Variants in PCDH15 observed in about 807,000 individuals in gnomAD.
The protein encoded by PCDH15 is protocadherin-15.
A neutral mutation model predicts 178.5 loss-of-function variants in PCDH15; 129 were observed. The observed-to-expected ratio is 0.72, with a 90% CI of 0.63 to 0.84. The LOEUF is 0.84. PCDH15 is among the 40% of genes least tolerant of loss of function. The pLI is 0.00. For missense variants in PCDH15, 2,230 were observed against 2,099.9 expected (o/e 1.06, Z -1.21); for synonymous variants, 800 against 732.0 (o/e 1.09, Z -1.50).
intron 3 of PCDH15, among the ~76,000 whole-genome samples, chr10:54,381,226 ACTGTGCCCATAC>A (rs1186011753): frequency 6.6e-6 from 1 of 152,106 alleles, no homozygotes; most frequent in African/African-American, 2.4e-5. Context: ...TGCCTGAACA[ACTGTGCCCATAC>A]CCCTCTCCTT....
chr10:55,469,809 A>G (rs1337118927), intron 2 of PCDH15, among the ~76,000 whole-genome samples: 1 of 152,042 alleles, frequency 6.6e-6, no homozygotes, highest in Non-Finnish European at 1.5e-5. Context: ...CATTTTCTCA[A>G]AATTTTAATA....
chr10:55,595,958 G>C (rs1330474092), intron 2 of PCDH15, among the ~76,000 whole-genome samples: 1 of 151,970 alleles, frequency 6.6e-6, no homozygotes, highest in African/African-American at 2.4e-5. Context: ...TTAAAGATTA[G>C]GTTGATAAAT....
chr10:55,398,098 C>T (rs1432601469), intron 2 of PCDH15, among the ~76,000 whole-genome samples: 1 of 151,692 alleles, frequency 6.6e-6, no homozygotes, highest in South Asian at 2.1e-4. Context: ...TGTCATAGTC[C>T]TCTTATTTAT....
intron 1 of PCDH15, among the ~76,000 whole-genome samples, chr10:54,703,999 T>C (rs1034823381): frequency 2.0e-5 from 3 of 152,030 alleles, no homozygotes; most frequent in African/African-American, 7.2e-5. Context: ...AAACAAGCAA[T>C]GGTGAAACAA....
chr10:54,261,991 G>T (rs528564078), intron 8 of PCDH15, among the ~76,000 whole-genome samples: 2 of 152,266 alleles, frequency 1.3e-5, no homozygotes, highest in Middle Eastern at 3.4e-3. Flanking sequence ...TAGACACCAG[G>T]ACTGGCCCAT....
At chr10:54,149,411 A>G (rs1248539665) in intron 14 of PCDH15, among the ~76,000 whole-genome samples, 1 of 152,102 alleles carries the variant, frequency 6.6e-6, no homozygotes, top group Admixed American at 6.6e-5. Flanking sequence ...GAAGGAAATG[A>G]GGCCATTGAG....
chr10:55,111,670 C>T (rs531715727), intron 2 of PCDH15, among the ~76,000 whole-genome samples: 100 of 152,078 alleles, frequency 6.6e-4, no homozygotes, highest in Non-Finnish European at 1.1e-3. Flanking sequence ...ATTAAGAAAC[C>T]CCATCTCTAC....
chr10:54,351,123 T>G (rs1266404306), intron 5 of PCDH15, among the ~76,000 whole-genome samples: 58 of 151,348 alleles, frequency 3.8e-4, no homozygotes, highest in Non-Finnish European at 4.4e-5. Flanking sequence ...AAAAAAAAGA[T>G]AGATAGATAG....
intron 3 of PCDH15, among the ~76,000 whole-genome samples, chr10:54,518,071 G>A (rs2138058899): frequency 6.6e-6 from 1 of 152,256 alleles, no homozygotes. Flanking sequence ...AGTGTGTAGA[G>A]GGAAATTTAT....
At chr10:54,469,817 CA>C (rs2077773815) in intron 3 of PCDH15, among the ~76,000 whole-genome samples, 1 of 152,076 alleles carries the variant, frequency 6.6e-6, no homozygotes, top group South Asian at 2.1e-4. Flanking sequence ...ACTCTCAAGC[CA>C]TCTGTACTGG....
intron 8 of PCDH15, among the ~76,000 whole-genome samples, chr10:54,285,998 T>G (rs1368465113): frequency 6.6e-6 from 1 of 152,154 alleles, no homozygotes; most frequent in East Asian, 1.9e-4. Flanking sequence ...TTAAAAGAGC[T>G]GATTTCATAG....
At chr10:54,546,230 C>T (rs10825351) in intron 2 of PCDH15, among the ~76,000 whole-genome samples, 60,571 of 151,940 alleles carry the variant, frequency 0.4, 13,006 homozygotes, top group Non-Finnish European at 0.48. Context: ...AAAGAGGCTA[C>T]CTGGATTCTA....
At chr10:54,154,611 G>A (rs910155844) in intron 13 of PCDH15, among the ~76,000 whole-genome samples, 8 of 151,994 alleles carry the variant, frequency 5.3e-5, no homozygotes, top group Admixed American at 2.6e-4. Flanking sequence ...CTCAATAAAT[G>A]TAAACAAAGT....
chr10:55,230,729 T>A (rs1020676291), intron 1 of PCDH15, among the ~76,000 whole-genome samples: 7 of 151,942 alleles, frequency 4.6e-5, no homozygotes, highest in African/African-American at 1.7e-4. Context: ...AAGTAGAAAA[T>A]TTTATGCTCG....
chr10:54,645,981 T>C (rs75543130), intron 2 of PCDH15, among the ~76,000 whole-genome samples: 2,259 of 152,192 alleles, frequency 0.015, 60 homozygotes, highest in African/African-American at 0.052. Flanking sequence ...ATTAATATTT[T>C]CAGGATTTGA....
chr10:54,068,790 G>C (rs2094184696), intron 17 of PCDH15, among the ~76,000 whole-genome samples: 1 of 152,092 alleles, frequency 6.6e-6, no homozygotes, highest in South Asian at 2.1e-4. Context: ...ACATAGGTGT[G>C]TTCTCTATGT....
At chr10:54,117,258 G>A (rs958826136) in intron 15 of PCDH15, among the ~76,000 whole-genome samples, 1 of 141,960 alleles carries the variant, frequency 7.0e-6, no homozygotes, top group African/African-American at 2.6e-5. Context: ...AGGGCAGGCA[G>A]CTCCAGGTGC....
In PCDH15 at chr10:55,445,583, C is replaced by T. The variant is rs558559117; in HGVS notation, c.-156+182042G>A. ...CAAACCATCTGAAATCAATTGTATT[C>T]TTTTTGTGGTTTGCTTTATATACTA... is the stretch of plus-strand genomic sequence containing the variant. On this transcript the variant is annotated intron_variant, in intron 2 of 5. Coordinates refer to the PCDH15 transcript ENST00000613346. Among the ~76,000 whole-genome samples the T allele has an allele frequency of 2.5e-4, 38 of 152,198 alleles. No homozygotes were observed. The Middle Eastern group carries it at 0.01, about 41-fold the overall frequency.
chr10:54,589,859 G>T (rs10825365), intron 2 of PCDH15, among the ~76,000 whole-genome samples: 26,235 of 151,998 alleles, frequency 0.17, 2,383 homozygotes, highest in African/African-American at 0.19. Context: ...GTCTCCCAAA[G>T]TGCTGGGATT....
Sources: allele counts gnomAD v4.1 joint callset (sites outside exome capture counted in the v4.1 genomes callset), GRCh38; gene constraint gnomAD v4.1.1; transcripts MANE v1.5; gene names NCBI Gene and HGNC (gene_info 2026-07-23, HGNC 2026-07-21).